Variants in CAPG observed in about 807,000 individuals in gnomAD.
CAPG encodes the protein macrophage-capping protein.
A neutral mutation model predicts 44.6 loss-of-function variants in CAPG; 32 were observed. That is an observed-to-expected ratio of 0.72 (90% CI 0.54 to 0.96). The LOEUF (loss-of-function observed/expected upper bound fraction) is 0.96, where lower values mean the gene tolerates loss of function less well. Ranked by LOEUF, CAPG falls within the 50% of genes least tolerant of loss-of-function variation. The pLI is 0.00. For synonymous variants in CAPG, 175 were observed against 179.6 expected (o/e 0.97, Z 0.20); for missense variants, 412 against 438.3 (o/e 0.94, Z 0.54).
At chr2:85,401,399 G>C in intron 4 of CAPG, 70 bp from the exon 5 acceptor site, 1 of 1,580,618 alleles carries the variant, frequency 6.3e-7, no homozygotes. Context: ...CATCCCACTG[G>C]AAGACGGGCA....
Position 85,394,947 on chromosome 2 carries a change from C to T in CAPG, c.993G>A (p.Leu331=). 1 of 1,612,330 alleles carries T rather than the reference C, an allele frequency of 6.2e-7. No individual in the cohort carries two copies. Among genetic ancestry groups the T allele is most frequent in the South Asian group, 1.1e-5 (1 of 91,042 alleles). The change falls in exon 10 of 10, where the codon CTG becomes CTA. Residue 331 remains leucine, a synonymous_variant. Coordinates refer to ENST00000263867, the MANE Select transcript of CAPG (RefSeq NM_001747.4). ...QYAPNTQVEI[L]PQGHESPIFK... Reference sequence around the variant, plus strand: ...AGATGGGACTCTCATGGCCCTGAGGCAGAATCTCCACCTGCAGGGACAGCG... The same window carrying T: ...AGATGGGACTCTCATGGCCCTGAGGTAGAATCTCCACCTGCAGGGACAGCG...
chr2:85,393,227 G>A (rs1227823750), downstream of CAPG, among the ~76,000 whole-genome samples: 2 of 151,988 alleles, frequency 1.3e-5, no homozygotes, highest in African/African-American at 2.4e-5. Context: ...GTAGAGATGG[G>A]GTTTCACCAT....
intron 7 of CAPG, 43 bp downstream of exon 7, chr2:85,398,647 C>A (rs573292940): frequency 4.7e-6 from 7 of 1,489,110 alleles, no homozygotes; most frequent in Non-Finnish European, 6.5e-6. Flanking sequence ...CAGGCTCCCA[C>A]CCTCCCTGCT....
rs540762577 is a variant in CAPG at position 85,397,884 on chromosome 2, A to G, written c.892+136T>C. The G allele has an allele frequency of 8.9e-5, 77 of 863,512 alleles. 1 individual carries two copies. Among genetic ancestry groups the G allele is most frequent in the Non-Finnish European group, 1.3e-4 (73 of 548,744 alleles). 53.5% of individuals were successfully genotyped at this position (863,512 alleles called of 1,614,324 possible). A position where few individuals can be genotyped will look rare whatever the true frequency, so the allele number is the denominator to read the frequency against. On this transcript the variant is annotated intron_variant, in intron 8 of 9. Coordinates refer to ENST00000263867, the MANE Select transcript of CAPG (RefSeq NM_001747.4). ...TAAAAAAAATTTTTAAAGAGAGAAA[A>G]TGGTCAGCCAGAAGCATGCAGGCTT...
chr2:85,398,208 G>A (rs536617915), intron 7 of CAPG, 56 bp from the exon 8 acceptor site: 3 of 1,586,266 alleles, frequency 1.9e-6, no homozygotes, highest in Admixed American at 1.7e-5. Context: ...CCTCACCTCA[G>A]CCTGAGGAGG....
At chr2:85,398,580 G>T in intron 7 of CAPG, 110 bp downstream of exon 7, 2 of 905,104 alleles carry the variant, frequency 2.2e-6, no homozygotes, top group Non-Finnish European at 3.5e-6. Context: ...CTCGGTTCCA[G>T]CCCCACCTTC....
chr2:85,404,843 TG>T (rs1469889722), intron 1 of CAPG, among the ~76,000 whole-genome samples: 1 of 149,560 alleles, frequency 6.7e-6, no homozygotes, highest in African/African-American at 2.5e-5. Flanking sequence ...GGCTGAGGAG[TG>T]AGTATCGCTT....
At position 85,400,804 on chromosome 2, in the gene CAPG, T is replaced by C. The variant is rs1686847861; in HGVS notation, c.516+361A>G. Among the ~76,000 whole-genome samples the C allele has an allele frequency of 2.0e-5, 3 of 152,070 alleles. No homozygotes were observed. The South Asian group carries it at 6.2e-4, about 32-fold the overall frequency. On this transcript the variant is annotated intron_variant, in intron 5 of 9. Transcript: ENST00000263867. ...CAGGTTATGGCAAGTGACTGGCCCA[T>C]CTTGGCTGCCTCCCCAGAGCGAGCT... is the stretch of plus-strand genomic sequence containing the variant.
Position 85,399,153 on chromosome 2 carries a change from G to C in CAPG, c.649C>G (p.Pro217Ala). 4.3e-6 allele frequency: 7 copies of C among 1,614,072 alleles called. No homozygotes were observed. The highest frequency in any genetic ancestry group is 5.1e-6 in the Non-Finnish European group (6 of 1,179,942). The change falls in exon 6 of 10, where the codon CCT becomes GCT. Residue 217 changes from proline (P) to alanine (A), a missense_variant. Coordinates refer to ENST00000263867, the MANE Select transcript of CAPG (RefSeq NM_001747.4). ...QVEIVTDGEE[P>A]AEMIQVLGPK... ...CCCCCAACCTGGATCATCTCAGCAG[G>C]CTCCTCCCCATCAGTGACAATCTCC... is the stretch of plus-strand genomic sequence containing the variant.
At position 85,398,690 on chromosome 2, in the gene CAPG, C is replaced by T. The variant is rs1378200877; in HGVS notation, c.759G>A (p.Lys253=). The change falls in exon 7 of 10, where the codon AAG becomes AAA. Residue 253 remains lysine (K), a splice_region_variant and synonymous_variant. Transcript: ENST00000263867. Reference sequence around the variant, plus strand: ...CCCAGGGCAGGCTTGGGGGGCCCACCTTATACAGAGCTGCGGCCTGGGCAT... The same window carrying T: ...CCCAGGGCAGGCTTGGGGGGCCCACTTTATACAGAGCTGCGGCCTGGGCAT... ...KANAQAAALY[K]VSDATGQMNL... 9 of 1,598,050 alleles carry T rather than the reference C, an allele frequency of 5.6e-6. No homozygotes were observed. The highest frequency in any genetic ancestry group is 7.7e-6 in the Non-Finnish European group (9 of 1,172,362).
chr2:85,419,474 C>T (rs1421853919), upstream of CAPG, among the ~76,000 whole-genome samples: 1 of 152,216 alleles, frequency 6.6e-6, no homozygotes, highest in Non-Finnish European at 1.5e-5. Context: ...TGTGCTGAGG[C>T]CCTACTTCAT....
chr2:85,409,678 G>A (rs1687328220), intron 1 of CAPG: 2 of 151,948 alleles, frequency 1.3e-5, no homozygotes, highest in Admixed American at 6.6e-5. Context: ...GGCCTCATTT[G>A]GGGATTCCAA....
At chr2:85,396,828 A>G (rs1400259593) in intron 8 of CAPG, among the ~76,000 whole-genome samples, 2 of 152,110 alleles carry the variant, frequency 1.3e-5, no homozygotes, top group African/African-American at 4.8e-5. Context: ...AAGCAATACT[A>G]TGAAATGCCT....
rs762902704 is a variant in CAPG at position 85,399,137 on chromosome 2, T to C, written c.665A>G (p.Gln222Arg). ...TDGEEPAEMI[Q>R]VLGPKPALKE... is the part of the protein sequence containing the mutation. Reference sequence around the variant, plus strand: ...CCACCCACTCCAATGTCCCCCAACCTGGATCATCTCAGCAGGCTCCTCCCC... The same window carrying C: ...CCACCCACTCCAATGTCCCCCAACCCGGATCATCTCAGCAGGCTCCTCCCC... The change falls in exon 6 of 10, where the codon CAG becomes CGG. Residue 222 changes from glutamine to arginine, a missense_variant and splice_region_variant. Gln to Arg is a conservative substitution (Grantham distance 43). Coordinates refer to ENST00000263867, the MANE Select transcript of CAPG (RefSeq NM_001747.4). 6.2e-7 allele frequency: 1 copy of C among 1,613,442 alleles called. No individual in the cohort carries two copies. Among genetic ancestry groups the C allele is most frequent in the African/African-American group, 1.3e-5 (1 of 74,924 alleles).
intron 2 of CAPG, 61 bp downstream of exon 2, chr2:85,402,062 G>C: frequency 6.2e-7 from 1 of 1,609,606 alleles, no homozygotes; most frequent in South Asian, 1.1e-5. Flanking sequence ...GCAGTGGGGA[G>C]GGGCAGCCCT....
At chr2:85,398,288 C>G (rs1686703957) in intron 7 of CAPG, 136 bp from the exon 8 acceptor site, 1 of 1,037,454 alleles carries the variant, frequency 9.6e-7, no homozygotes, top group Admixed American at 2.7e-5. Context: ...CAGGAGCAGA[C>G]AAGAGAGTGA....
upstream of CAPG, chr2:85,413,190 AG>A (rs1252833855): frequency 6.6e-6 from 1 of 152,234 alleles, no homozygotes; most frequent in Non-Finnish European, 1.5e-5. Context: ...GGAGGGAACA[AG>A]GATCAATGGG....
chr2:85,401,586 C>T lies in CAPG; in HGVS notation c.294G>A (p.Val98=). The T allele has an allele frequency of 1.2e-6, 2 of 1,614,218 alleles. No homozygotes were observed. Among genetic ancestry groups the T allele is most frequent in the Non-Finnish European group, 1.7e-6 (2 of 1,180,034 alleles). Residue 98 remains valine, a synonymous_variant, in exon 4 of 10, where the codon GTG becomes GTA. Coordinates refer to ENST00000263867, the MANE Select transcript of CAPG (RefSeq NM_001747.4). ...TGAAGAGGTCAGACTCATTGCCCTG[C>T]ACCTCGCGGTGCTGCACAGGCCGCT... is the stretch of plus-strand genomic sequence containing the variant. ...LGERPVQHRE[V]QGNESDLFMS...
chr2:85,396,376 G>A (rs1434346756), intron 8 of CAPG, among the ~76,000 whole-genome samples: 1 of 151,434 alleles, frequency 6.6e-6, no homozygotes, highest in Non-Finnish European at 1.5e-5. Flanking sequence ...TTTTTTTGTA[G>A]AGAAGTGATA....
Sources: gnomAD v4.1 joint callset for allele counts (sites outside exome capture counted in the v4.1 genomes callset) on GRCh38, gnomAD v4.1.1 for gene constraint, MANE v1.5 for transcripts, NCBI Gene and HGNC (gene_info 2026-07-23, HGNC 2026-07-21) for gene names.